FOXP1: variants seen among roughly 807,000 people sequenced by gnomAD.
The protein encoded by FOXP1 is forkhead box P1.
A neutral mutation model predicts 98.2 loss-of-function variants in FOXP1; 15 were observed. The observed-to-expected ratio is 0.15, with a 90% confidence interval of 0.10 to 0.24. The LOEUF (loss-of-function observed/expected upper bound fraction) is 0.24, where lower values mean the gene tolerates loss of function less well. Among genes scored for constraint, FOXP1 ranks in the 10% least tolerant of loss-of-function variants. The probability of loss-of-function intolerance (pLI) is 1.00; values close to 1 mark genes in which losing one functional copy is unlikely to be tolerated. For synonymous variants in FOXP1, 371 were observed against 314.5 expected, an observed-to-expected ratio of 1.18 and a Z score of -1.90; for missense variants, 633 against 848.5, an observed-to-expected ratio of 0.75 and a Z score of 3.15.
intron 12 of FOXP1, among the ~76,000 whole-genome samples, chr3:71,010,431 A>G (rs2043420797): frequency 6.6e-6 from 1 of 152,172 alleles, no homozygotes; most frequent in Non-Finnish European, 1.5e-5. Context: ...ATACTAGCAT[A>G]AACTGTTTGT....
intron 6 of FOXP1, among the ~76,000 whole-genome samples, chr3:71,160,193 T>A (rs937371216): frequency 3.3e-5 from 5 of 151,744 alleles, no homozygotes; most frequent in African/African-American, 1.2e-4. Flanking sequence ...ATTTCTTTTT[T>A]TTTTCCCCAA....
At chr3:71,509,089 T>C (rs1319448376) in intron 2 of FOXP1, among the ~76,000 whole-genome samples, 3 of 152,236 alleles carry the variant, frequency 2.0e-5, no homozygotes, top group African/African-American at 7.2e-5. Flanking sequence ...GTTTCTTCCT[T>C]GTAATGGTTT....
intron 12 of FOXP1, among the ~76,000 whole-genome samples, chr3:71,008,024 G>GA (rs1372829361): frequency 1.3e-5 from 2 of 151,614 alleles, no homozygotes; most frequent in Non-Finnish European, 2.9e-5. Context: ...ATCACCAAAA[G>GA]AAAAAAAATT....
intron 3 of FOXP1, among the ~76,000 whole-genome samples, chr3:71,470,912 T>C (rs1482416530): frequency 6.6e-6 from 1 of 152,220 alleles, no homozygotes; most frequent in Admixed American, 6.5e-5. Context: ...CACGTGACCA[T>C]GAGTCTGTGC....
chr3:71,222,139 G>C (rs777388544), intron 5 of FOXP1, among the ~76,000 whole-genome samples: 1 of 152,048 alleles, frequency 6.6e-6, no homozygotes, highest in Non-Finnish European at 1.5e-5. Context: ...GTGCCAGAGC[G>C]AGATTCCGTA....
chr3:71,566,448 A>G (rs1578205578), intron 2 of FOXP1, among the ~76,000 whole-genome samples: 1 of 152,170 alleles, frequency 6.6e-6, no homozygotes, highest in Admixed American at 6.5e-5. Context: ...CAAATCCCAA[A>G]CCTGACTATA....
intron 11 of FOXP1, among the ~76,000 whole-genome samples, chr3:71,036,920 A>G (rs2047674473): frequency 6.6e-6 from 1 of 152,210 alleles, no homozygotes; most frequent in African/African-American, 2.4e-5. Context: ...AGGGACACTC[A>G]TTTTATCGTA....
intron 3 of FOXP1, among the ~76,000 whole-genome samples, chr3:71,414,450 C>T (rs2083043737): frequency 6.6e-6 from 1 of 152,224 alleles, no homozygotes; most frequent in Admixed American, 6.5e-5. Flanking sequence ...CGGCACCATC[C>T]ACACCCACAC....
chr3:71,096,458 T>C (rs1408202996), intron 7 of FOXP1, among the ~76,000 whole-genome samples: 1 of 152,180 alleles, frequency 6.6e-6, no homozygotes, highest in Non-Finnish European at 1.5e-5. Flanking sequence ...CCCCTAGGAT[T>C]GAAAACCACT....
intron 5 of FOXP1, chr3:71,292,534 C>T: frequency 6.6e-6 from 1 of 152,126 alleles, no homozygotes; most frequent in Non-Finnish European, 1.5e-5. Flanking sequence ...CAGGTTTCGC[C>T]ATGTTGACCA....
intron 5 of FOXP1, among the ~76,000 whole-genome samples, chr3:71,216,949 T>C (rs1015386091): frequency 2.6e-5 from 4 of 152,240 alleles, no homozygotes; most frequent in African/African-American, 9.6e-5. Flanking sequence ...CTGTCGGACA[T>C]CCTACAATGC....
chr3:70,994,914 T>C (rs1446854636), intron 13 of FOXP1, among the ~76,000 whole-genome samples: 1 of 152,214 alleles, frequency 6.6e-6, no homozygotes, highest in Non-Finnish European at 1.5e-5. Context: ...TACAGCAGTT[T>C]AGCAATGTCA....
intron 4 of FOXP1, among the ~76,000 whole-genome samples, chr3:71,331,395 C>T (rs1477877606): frequency 6.7e-6 from 1 of 149,726 alleles, no homozygotes; most frequent in Non-Finnish European, 1.5e-5. Context: ...GCCATGGGCT[C>T]CTGCGCAGCC....
rs185021545 is a variant in FOXP1 at position 71,255,816 on chromosome 3, G to A, written c.-12+44004C>T. Among the ~76,000 whole-genome samples, 82 of 152,212 alleles carry A rather than the reference G, an allele frequency of 5.4e-4. 1 individual carries two copies. Among genetic ancestry groups the A allele is most frequent in the African/African-American group, 1.8e-3 (73 of 41,546 alleles). Reference sequence around the variant, plus strand: ...AACTCAAGTAAGCCATCTTTTAGACGTTGGAAAATGGCAAACTTCCCCACA... The same window carrying A: ...AACTCAAGTAAGCCATCTTTTAGACATTGGAAAATGGCAAACTTCCCCACA... On this transcript the variant is annotated intron_variant, in intron 5 of 20. Coordinates refer to ENST00000649528, the MANE Select transcript of FOXP1 (RefSeq NM_001349338.3).
intron 6 of FOXP1, among the ~76,000 whole-genome samples, chr3:71,179,468 G>T (rs2062156088): frequency 6.6e-6 from 1 of 152,188 alleles, no homozygotes; most frequent in South Asian, 2.1e-4. Flanking sequence ...GCTGGAAGAA[G>T]ATGAAGAGGG....
intron 19 of FOXP1, 170 bp from the exon 20 acceptor site, chr3:70,966,226 A>C: frequency 3.0e-6 from 2 of 676,134 alleles, no homozygotes; most frequent in Non-Finnish European, 5.2e-6. Flanking sequence ...GACTCGTGGC[A>C]CCTGTCCCAA....
Position 71,018,664 on chromosome 3 carries a change from G to A in FOXP1, c.870-3011C>T, listed in dbSNP as rs73119642. Among the ~76,000 whole-genome samples the A allele has an allele frequency of 6.4e-3, 973 of 152,224 alleles. 4 individuals are homozygous for A. Among genetic ancestry groups the A allele is most frequent in the Non-Finnish European group, 9.8e-3 (667 of 68,010 alleles). ...GTCTGAAATAAAGTGTTTGGCTTTG[G>A]AAGGAGAGAGAACAAGCTGGCAGAG... On this transcript the variant is annotated intron_variant, in intron 11 of 20. Coordinates refer to ENST00000649528, the MANE Select transcript of FOXP1 (RefSeq NM_001349338.3).
chr3:71,009,236 C>T (rs979044774), intron 12 of FOXP1, among the ~76,000 whole-genome samples: 2 of 139,924 alleles, frequency 1.4e-5, no homozygotes, highest in Admixed American at 7.8e-5. Flanking sequence ...TCCAAGCTAA[C>T]ATAACCCTGG....
At chr3:71,198,432 G>GGGGCCCCCCCCCCCCCC in intron 5 of FOXP1, 40 bp from the exon 6 acceptor site, 1 of 491,034 alleles carries the variant, frequency 2.0e-6, no homozygotes, top group Non-Finnish European at 4.0e-6. Flanking sequence ...GGGAGGGGGG[G>GGGGCCCCCCCCCCCCCC]AGAAAAAAAA....
Sources: gnomAD v4.1 joint callset for allele counts (sites outside exome capture counted in the v4.1 genomes callset) on GRCh38, gnomAD v4.1.1 for gene constraint, MANE v1.5 for transcripts, NCBI Gene and HGNC (gene_info 2026-07-23, HGNC 2026-07-21) for gene names.